Variants in DPP6 observed in about 807,000 individuals in gnomAD.
DPP6 encodes the protein A-type potassium channel modulatory protein DPP6.
In DPP6, 69 loss-of-function variants were observed where a neutral mutation model predicts 122.6. That is an observed-to-expected ratio of 0.56 (90% CI 0.46 to 0.69). The LOEUF (loss-of-function observed/expected upper bound fraction) is 0.69. Among genes scored for constraint, DPP6 ranks in the 30% least tolerant of loss-of-function variants. DPP6 has a pLI of 0.00. For synonymous variants in DPP6, 418 were observed against 433.1 expected, an observed-to-expected ratio of 0.97 and a Z score of 0.43; for missense variants, 928 against 1,116.9, an observed-to-expected ratio of 0.83 and a Z score of 2.41.
intron 19 of DPP6, among the ~76,000 whole-genome samples, chr7:154,873,402 A>G (rs544903488): frequency 6.6e-6 from 1 of 152,234 alleles, no homozygotes; most frequent in African/African-American, 2.4e-5. Flanking sequence ...CCTGGTCTGT[A>G]CTTTCAAGAC....
At chr7:154,170,114 C>T (rs530196582) in intron 1 of DPP6, among the ~76,000 whole-genome samples, 3 of 152,136 alleles carry the variant, frequency 2.0e-5, no homozygotes, top group Non-Finnish European at 4.4e-5. Context: ...GCACCTACCT[C>T]GCCTGCATTT....
At chr7:154,053,120 C>G in intron 1 of DPP6, 57 bp downstream of exon 1, 1 of 1,027,278 alleles carries the variant, frequency 9.7e-7, no homozygotes, top group Non-Finnish European at 1.2e-6. Flanking sequence ...GAGCGCGCAG[C>G]GAGACGCGTC....
intron 1 of DPP6, among the ~76,000 whole-genome samples, chr7:154,045,582 T>C (rs1333567378): frequency 2.6e-5 from 4 of 152,206 alleles, no homozygotes; most frequent in African/African-American, 9.7e-5. Context: ...AGCCACTGTA[T>C]GAGTAGATTA....
the DPP6 span, among the ~76,000 whole-genome samples, chr7:153,841,886 T>A: frequency 6.6e-6 from 1 of 152,228 alleles, no homozygotes; most frequent in Admixed American, 6.5e-5. Flanking sequence ...GTTATATTCG[T>A]TTTGCTTAAG....
chr7:154,003,674 C>T (rs1190815194), intron 1 of DPP6, among the ~76,000 whole-genome samples: 10 of 151,836 alleles, frequency 6.6e-5, no homozygotes, highest in Non-Finnish European at 1.3e-4. Flanking sequence ...CTGGGGTGTG[C>T]CTCACTGTGT....
chr7:154,883,283 CACAT>C (rs1189189648), intron 21 of DPP6, among the ~76,000 whole-genome samples: 1 of 69,026 alleles, frequency 1.4e-5, no homozygotes, highest in South Asian at 3.9e-4. Context: ...CACATGCTCA[CACAT>C]ACACACACAT....
chr7:153,925,090 T>C (rs1800827335), intron 1 of DPP6, among the ~76,000 whole-genome samples: 1 of 152,096 alleles, frequency 6.6e-6, no homozygotes, highest in Admixed American at 6.5e-5. Context: ...GGAGCAGGGC[T>C]GAGGGTGAGG....
intron 14 of DPP6, among the ~76,000 whole-genome samples, 165 bp downstream of exon 14, chr7:154,804,120 C>G (rs1798548097): frequency 6.6e-6 from 1 of 152,204 alleles, no homozygotes; most frequent in African/African-American, 2.4e-5. Context: ...ATAGTAGATT[C>G]CCGTCCCAAC....
At chr7:154,449,360 C>A (rs8180837) in intron 2 of DPP6, among the ~76,000 whole-genome samples, 2,696 of 152,132 alleles carry the variant, frequency 0.018, 32 homozygotes, top group Non-Finnish European at 0.022. Flanking sequence ...GAATGAAAAT[C>A]AAATCACAAT....
chr7:154,128,796 C>G (rs1808140857), intron 1 of DPP6, among the ~76,000 whole-genome samples: 1 of 149,968 alleles, frequency 6.7e-6, no homozygotes. Flanking sequence ...GCAATCTTAG[C>G]AGGGACTCAA....
rs1220636312 is a variant in DPP6 at position 154,433,993 on chromosome 7, CTG to C, written c.244-12218_244-12217del. On this transcript the variant is annotated intron_variant, in intron 1 of 25. Transcript: ENST00000377770. Reference sequence around the variant, plus strand: ...GCCTCAGGTCTCAGTCTATCTTAAACTGTGGTTATTTCTTTAAAATCCATTTT... The same window carrying C: ...GCCTCAGGTCTCAGTCTATCTTAAACTGGTTATTTCTTTAAAATCCATTTT... Among the ~76,000 whole-genome samples, 6 of 152,222 alleles carry C rather than the reference CTG, an allele frequency of 3.9e-5. No individual in the cohort carries two copies. In the South Asian group the frequency reaches 6.2e-4, roughly 16 times the overall value.
At chr7:154,325,733 G>A (rs1306759864) in intron 1 of DPP6, among the ~76,000 whole-genome samples, 1 of 152,178 alleles carries the variant, frequency 6.6e-6, no homozygotes, top group Non-Finnish European at 1.5e-5. Flanking sequence ...CACCAAGACT[G>A]TCAGTATTCA....
chr7:154,298,923 G>A (rs888352781), intron 1 of DPP6, among the ~76,000 whole-genome samples: 3 of 152,160 alleles, frequency 2.0e-5, no homozygotes, highest in African/African-American at 4.8e-5. Flanking sequence ...TCTCATCCGC[G>A]AGACCCTCGG....
intron 1 of DPP6, among the ~76,000 whole-genome samples, chr7:154,280,702 A>T (rs577857223): frequency 6.6e-6 from 1 of 152,326 alleles, no homozygotes; most frequent in South Asian, 2.1e-4. Flanking sequence ...ACTCCCAGGA[A>T]AATCACCGTG....
chr7:154,891,467 C>T (rs1487168297), intron 25 of DPP6, among the ~76,000 whole-genome samples: 3 of 152,170 alleles, frequency 2.0e-5, no homozygotes, highest in African/African-American at 7.2e-5. Flanking sequence ...TGATTATCCT[C>T]CCCACCCGAC....
intron 1 of DPP6, among the ~76,000 whole-genome samples, chr7:153,903,331 A>G (rs1799717702): frequency 6.6e-6 from 1 of 152,212 alleles, no homozygotes; most frequent in Non-Finnish European, 1.5e-5. Context: ...TGCCACTCAG[A>G]AGCCTTTCTT....
At chr7:154,388,730 G>A (rs761062220) in intron 1 of DPP6, among the ~76,000 whole-genome samples, 24 of 152,158 alleles carry the variant, frequency 1.6e-4, no homozygotes, top group Non-Finnish European at 2.9e-4. Flanking sequence ...TGTGAATGGG[G>A]GTGGTTTGGG....
chr7:154,518,434 T>A (rs945531342), intron 3 of DPP6, among the ~76,000 whole-genome samples: 2 of 152,140 alleles, frequency 1.3e-5, no homozygotes, highest in African/African-American at 4.8e-5. Context: ...GTTTTGCCGA[T>A]TTTTTTGGCA....
intron 1 of DPP6, among the ~76,000 whole-genome samples, chr7:154,056,975 C>G (rs957236310): frequency 1.3e-5 from 2 of 152,222 alleles, no homozygotes; most frequent in African/African-American, 2.4e-5. Context: ...CCATTACTCT[C>G]ATCACCAATA....
Sources: gnomAD v4.1 joint callset for allele counts (sites outside exome capture counted in the v4.1 genomes callset) on GRCh38, gnomAD v4.1.1 for gene constraint, MANE v1.5 for transcripts, NCBI Gene and HGNC (gene_info 2026-07-23, HGNC 2026-07-21) for gene names.